Variants in ZNF536 observed in about 807,000 individuals in gnomAD.
ZNF536 encodes zinc finger protein 536.
ZNF536 carries 13 observed loss-of-function variants against 84.5 expected under a neutral mutation model. That is an observed-to-expected ratio of 0.15 (90% CI 0.10 to 0.24). ZNF536 has a LOEUF of 0.24. ZNF536 is among the 10% of genes least tolerant of loss of function. The pLI is 1.00. For missense variants in ZNF536, 1,536 were observed against 1,747.5 expected (o/e 0.88, Z 2.16); for synonymous variants, 811 against 742.5 (o/e 1.09, Z -1.50).
At chr19:30,429,023 C>T (rs538511037) in intron 1 of ZNF536, among the ~76,000 whole-genome samples, 7 of 152,210 alleles carry the variant, frequency 4.6e-5, no homozygotes, top group African/African-American at 1.4e-4. Context: ...AGAGAGGGGC[C>T]AGGGCACCTG....
chr19:30,318,374 G>A (rs574145178), intron 2 of ZNF536, among the ~76,000 whole-genome samples: 4 of 152,348 alleles, frequency 2.6e-5, no homozygotes, highest in Middle Eastern at 3.4e-3. Flanking sequence ...CAAACCACAC[G>A]TAGGTCTGAA....
At chr19:30,526,756 AG>A (rs1173669513) in intron 2 of ZNF536, among the ~76,000 whole-genome samples, 2 of 150,572 alleles carry the variant, frequency 1.3e-5, no homozygotes, top group Non-Finnish European at 3.0e-5. Context: ...GAACGGGTTC[AG>A]GGCTTGGGAA....
chr19:30,230,378 A>G (rs2022941146), intron 1 of ZNF536, among the ~76,000 whole-genome samples: 1 of 152,222 alleles, frequency 6.6e-6, no homozygotes, highest in African/African-American at 2.4e-5. Context: ...CCTGGAGAAA[A>G]CACTTTCAAT....
Position 30,610,572 on chromosome 19 carries a change from G to A in ZNF536, c.169+61058G>A, listed in dbSNP as rs192748493. 3.9e-5 allele frequency among the ~76,000 whole-genome samples: 6 copies of A among 152,320 alleles called. No individual in the cohort carries two copies. The East Asian group carries it at 1.2e-3, about 29-fold the overall frequency. On this transcript the variant is annotated intron_variant, in intron 1 of 1. Coordinates refer to the ZNF536 transcript ENST00000592773. ...TGTTTGAATCAGAAACAGAGTGGAA[G>A]CTTAGCCGTCAAAAGAGGAAGAAAT...
At chr19:30,518,010 C>T (rs528912403) in intron 2 of ZNF536, among the ~76,000 whole-genome samples, 103 of 152,230 alleles carry the variant, frequency 6.8e-4, no homozygotes, top group African/African-American at 2.4e-3. Flanking sequence ...GAGTTATCTA[C>T]AGAGGTCAGT....
intron 1 of ZNF536, among the ~76,000 whole-genome samples, chr19:30,411,523 T>C (rs1269604129): frequency 6.6e-6 from 1 of 152,170 alleles, no homozygotes; most frequent in African/African-American, 2.4e-5. Flanking sequence ...TGAAGTAATG[T>C]TGTGTAATGT....
At chr19:30,401,549 C>T (rs936606526) in intron 1 of ZNF536, among the ~76,000 whole-genome samples, 1 of 152,248 alleles carries the variant, frequency 6.6e-6, no homozygotes, top group Non-Finnish European at 1.5e-5. Context: ...TGTTTTGGGT[C>T]TCTTTTCATT....
intron 2 of ZNF536, among the ~76,000 whole-genome samples, chr19:30,336,213 G>A (rs2047379800): frequency 6.6e-6 from 1 of 152,202 alleles, no homozygotes; most frequent in Admixed American, 6.5e-5. Flanking sequence ...CAGCTGGAAA[G>A]ATCTATTACA....
intron 1 of ZNF536, among the ~76,000 whole-genome samples, chr19:30,660,839 T>C (rs1757962376): frequency 6.6e-6 from 1 of 152,252 alleles, no homozygotes; most frequent in African/African-American, 2.4e-5. Context: ...ACAATGGTGA[T>C]GTTCATTTTA....
At chr19:30,468,061 T>C (rs1234405995) in intron 2 of ZNF536, among the ~76,000 whole-genome samples, 2 of 152,168 alleles carry the variant, frequency 1.3e-5, no homozygotes, top group Non-Finnish European at 2.9e-5. Context: ...CAGCGCCCCG[T>C]GAAAAATGTG....
At position 30,455,673 on chromosome 19, in the gene ZNF536, C is replaced by T. The variant is rs541896815; in HGVS notation, c.2170+9941C>T. Among the ~76,000 whole-genome samples the T allele has an allele frequency of 2.1e-4, 32 of 152,340 alleles. No homozygotes were observed. In the South Asian group the frequency reaches 6.0e-3, roughly 29 times the overall value. On this transcript the variant is annotated intron_variant, in intron 2 of 4. Coordinates refer to ENST00000355537, the MANE Select transcript of ZNF536 (RefSeq NM_014717.3). ...ATGAGATTGTGTCACTGCACTCCAG[C>T]CTGGGCAACAGAGCAAGACCCTGTC...
chr19:30,564,247 A>G (rs2046274200), intron 1 of ZNF536, among the ~76,000 whole-genome samples: 1 of 152,168 alleles, frequency 6.6e-6, no homozygotes, highest in African/African-American at 2.4e-5. Flanking sequence ...AGGCAGGAGG[A>G]TCACTTGAGC....
chr19:30,477,375 T>C (rs1042096863), intron 2 of ZNF536, among the ~76,000 whole-genome samples: 1 of 152,200 alleles, frequency 6.6e-6, no homozygotes, highest in Admixed American at 6.5e-5. Flanking sequence ...TTCTTCATGA[T>C]ATTCATACAC....
At chr19:30,633,504 AC>A (rs1412349646) in intron 1 of ZNF536, among the ~76,000 whole-genome samples, 1 of 152,182 alleles carries the variant, frequency 6.6e-6, no homozygotes, top group African/African-American at 2.4e-5. Context: ...ATTGATCTAA[AC>A]AAAAATTCAA....
At chr19:30,578,989 C>T (rs982346686) in intron 1 of ZNF536, among the ~76,000 whole-genome samples, 3 of 152,112 alleles carry the variant, frequency 2.0e-5, no homozygotes, top group Non-Finnish European at 4.4e-5. Context: ...TTTCTGGGCT[C>T]CAGATTCCTC....
chr19:30,446,010 G>A (rs906853295), intron 2 of ZNF536, among the ~76,000 whole-genome samples: 42 of 152,134 alleles, frequency 2.8e-4, no homozygotes, highest in African/African-American at 7.5e-4. Context: ...CACTTTGGGC[G>A]CCCGAGGCCG....
At chr19:30,637,098 T>A (rs978976922) in intron 1 of ZNF536, among the ~76,000 whole-genome samples, 6 of 152,196 alleles carry the variant, frequency 3.9e-5, no homozygotes, top group African/African-American at 1.4e-4. Context: ...AGTTGTTTCA[T>A]CCTTTTAGGC....
chr19:30,684,307 T>G (rs2051089484), intron 1 of ZNF536, among the ~76,000 whole-genome samples: 1 of 152,102 alleles, frequency 6.6e-6, no homozygotes, highest in Admixed American at 6.5e-5. Context: ...GCTAATTTTT[T>G]TGTGTTTCTG....
chr19:30,316,734 G>A (rs1859722208), intron 2 of ZNF536, among the ~76,000 whole-genome samples: 2 of 152,194 alleles, frequency 1.3e-5, no homozygotes, highest in Admixed American at 1.3e-4. Flanking sequence ...GGTGTGTGCT[G>A]AAGACTTTTG....
Sources: gnomAD v4.1 joint callset for allele counts (sites outside exome capture counted in the v4.1 genomes callset) on GRCh38, gnomAD v4.1.1 for gene constraint, MANE v1.5 for transcripts, NCBI Gene and HGNC (gene_info 2026-07-23, HGNC 2026-07-21) for gene names.